The following DTNA variants were observed in gnomAD, a reference collection of about 807,000 sequenced individuals.
The protein encoded by DTNA is dystrophin-related protein 3.
A neutral mutation model predicts 100.7 loss-of-function variants in DTNA; 43 were observed. The observed-to-expected ratio is 0.43, with a 90% CI of 0.33 to 0.55. The LOEUF is 0.55. DTNA is among the 20% of genes least tolerant of loss of function. The pLI is 0.04. For synonymous variants in DTNA, 349 were observed against 347.9 expected (o/e 1.00, Z -0.04); for missense variants, 798 against 953.9 (o/e 0.84, Z 2.15).
In DTNA at chr18:34,753,422, G is replaced by A. The variant is rs562128564; in HGVS notation, c.-1-2554G>A. On this transcript the variant is annotated intron_variant, in intron 1 of 22. Transcript: ENST00000444659. ...TTTTGAGACGGAGTCTCGCTCTGTCGCCCAGGCTGGAGTGCAGTGGCGGGA... is the reference window on the plus strand; with the variant it reads ...TTTTGAGACGGAGTCTCGCTCTGTCACCCAGGCTGGAGTGCAGTGGCGGGA... Among the ~76,000 whole-genome samples the A allele has an allele frequency of 8.0e-5, 11 of 137,464 alleles. No individual in the cohort carries two copies. The East Asian group carries it at 1.2e-3, about 15-fold the overall frequency. 90.2% of individuals were successfully genotyped at this position (137,464 alleles called of 152,430 possible). A position where few individuals can be genotyped will look rare whatever the true frequency, so the allele number is the denominator to read the frequency against.
intron 1 of DTNA, among the ~76,000 whole-genome samples, chr18:34,726,689 T>C (rs1057274938): frequency 1.3e-5 from 2 of 152,218 alleles, no homozygotes; most frequent in Non-Finnish European, 2.9e-5. Context: ...TTAGGGCATC[T>C]CCACCTCCAT....
chr18:34,844,809 TGA>T (rs1316383325), intron 13 of DTNA, among the ~76,000 whole-genome samples: 1 of 152,166 alleles, frequency 6.6e-6, no homozygotes, highest in African/African-American at 2.4e-5. Flanking sequence ...GAACAAACCG[TGA>T]GTTCCCAAAA....
chr18:34,746,032 T>C (rs1219488119), intron 1 of DTNA, among the ~76,000 whole-genome samples: 1 of 152,164 alleles, frequency 6.6e-6, no homozygotes, highest in East Asian at 1.9e-4. Flanking sequence ...TGGAATTACA[T>C]TTTTAAAAGT....
At chr18:34,869,097 C>T (rs1025935514) in intron 17 of DTNA, among the ~76,000 whole-genome samples, 3 of 152,168 alleles carry the variant, frequency 2.0e-5, no homozygotes, top group Admixed American at 6.5e-5. Context: ...TCTTTGCTCA[C>T]GGCTGTAAGC....
chr18:34,608,360 A>G (rs2053553206), intron 1 of DTNA, among the ~76,000 whole-genome samples: 1 of 152,190 alleles, frequency 6.6e-6, no homozygotes, highest in Non-Finnish European at 1.5e-5. Context: ...AAAATAAAAG[A>G]CATATCCTTT....
chr18:34,752,911 A>G (rs946065441), intron 1 of DTNA, among the ~76,000 whole-genome samples: 2 of 152,238 alleles, frequency 1.3e-5, no homozygotes, highest in Non-Finnish European at 2.9e-5. Flanking sequence ...CTAGATTATA[A>G]ACAATGTAAA....
At chr18:34,668,322 C>T (rs1315278530) in intron 1 of DTNA, among the ~76,000 whole-genome samples, 2 of 152,138 alleles carry the variant, frequency 1.3e-5, no homozygotes, top group East Asian at 3.9e-4. Context: ...CTCTTTTCTT[C>T]TTTATTAGTC....
At chr18:34,618,118 G>A (rs1181832769) in intron 1 of DTNA, among the ~76,000 whole-genome samples, 2 of 152,136 alleles carry the variant, frequency 1.3e-5, no homozygotes, top group East Asian at 3.9e-4. Context: ...TAATTTTCCG[G>A]AAGAGGAAAC....
intron 1 of DTNA, among the ~76,000 whole-genome samples, chr18:34,711,210 A>C (rs868185288): frequency 3.3e-4 from 50 of 152,176 alleles, no homozygotes; most frequent in Non-Finnish European, 2.2e-4. Context: ...ACGCCTTCTC[A>C]TGCGTTGTTT....
intron 15 of DTNA, 109 bp from the exon 16 acceptor site, chr18:34,858,176 A>G (rs748332069): frequency 3.9e-6 from 4 of 1,013,216 alleles, no homozygotes; most frequent in Non-Finnish European, 6.1e-6. Context: ...CTGCTCCTAA[A>G]CATAGGATGA....
chr18:34,546,527 T>G (rs1464256571), intron 1 of DTNA, among the ~76,000 whole-genome samples: 1 of 152,100 alleles, frequency 6.6e-6, no homozygotes, highest in African/African-American at 2.4e-5. Flanking sequence ...TAAATATGCC[T>G]CTGACAAATT....
At chr18:34,569,374 A>C (rs1452627150) in intron 1 of DTNA, among the ~76,000 whole-genome samples, 1 of 152,172 alleles carries the variant, frequency 6.6e-6, no homozygotes, top group African/African-American at 2.4e-5. Context: ...TTTCCTCTTA[A>C]ACAGAAAAGG....
At chr18:34,683,405 T>G (rs949708592) in intron 1 of DTNA, 7 of 152,236 alleles carry the variant, frequency 4.6e-5, no homozygotes, top group African/African-American at 1.7e-4. Flanking sequence ...TTAGTTATTT[T>G]AAATGGAAGG....
chr18:34,861,359 ACCTGTACTC>A (rs1258309024), intron 16 of DTNA, among the ~76,000 whole-genome samples: 1 of 151,770 alleles, frequency 6.6e-6, no homozygotes, highest in Non-Finnish European at 1.5e-5. Context: ...GGTGGCAGGC[ACCTGTACTC>A]CCAGCTGCTG....
intron 1 of DTNA, among the ~76,000 whole-genome samples, chr18:34,666,892 C>T (rs1224283582): frequency 1.3e-5 from 2 of 152,132 alleles, no homozygotes; most frequent in African/African-American, 2.4e-5. Flanking sequence ...TTAGGATTGA[C>T]TTGGCGATGC....
intron 5 of DTNA, among the ~76,000 whole-genome samples, chr18:34,807,942 G>A (rs925016472): frequency 3.4e-5 from 5 of 145,730 alleles, no homozygotes; most frequent in African/African-American, 1.0e-4. Flanking sequence ...GAAAGAGAAA[G>A]TTTAGCAAAA....
intron 1 of DTNA, among the ~76,000 whole-genome samples, chr18:34,693,490 T>C (rs866326696): frequency 1.2e-4 from 18 of 152,274 alleles, no homozygotes; most frequent in African/African-American, 4.3e-4. Flanking sequence ...TTCTCTACTA[T>C]ACAATAAACT....
intron 3 of DTNA, among the ~76,000 whole-genome samples, chr18:34,793,302 G>C (rs1184564575): frequency 6.6e-6 from 1 of 152,118 alleles, no homozygotes; most frequent in Non-Finnish European, 1.5e-5. Context: ...AGGGCAAATA[G>C]GGAAGAAAAC....
At chr18:34,885,471 T>C (rs1299743725) in intron 22 of DTNA, among the ~76,000 whole-genome samples, 1 of 152,248 alleles carries the variant, frequency 6.6e-6, no homozygotes, top group Non-Finnish European at 1.5e-5. Context: ...ATCACTTGAC[T>C]GTAGTGGTCT....
Sources: gnomAD v4.1 joint callset for allele counts (sites outside exome capture counted in the v4.1 genomes callset) on GRCh38, gnomAD v4.1.1 for gene constraint, MANE v1.5 for transcripts, NCBI Gene and HGNC (gene_info 2026-07-23, HGNC 2026-07-21) for gene names.